RGS17: variants seen among roughly 807,000 people sequenced by gnomAD.
RGS17 encodes regulator of G protein signaling 17, also known as regulator of G-protein signaling 17.
A neutral mutation model predicts 25.5 loss-of-function variants in RGS17; 12 were observed. That is an observed-to-expected ratio of 0.47 (90% CI 0.30 to 0.76). The LOEUF (loss-of-function observed/expected upper bound fraction) is 0.76, where lower values mean the gene tolerates loss of function less well. Among genes scored for constraint, RGS17 ranks in the 30% least tolerant of loss-of-function variants. The pLI, the probability that RGS17 is intolerant of heterozygous loss-of-function variation, is 0.07. For synonymous variants in RGS17, 71 were observed against 76.9 expected (o/e 0.92, Z 0.40); for missense variants, 196 against 242.2 (o/e 0.81, Z 1.27).
intron 1 of RGS17, among the ~76,000 whole-genome samples, chr6:153,045,910 T>C (rs750128330): frequency 1.3e-5 from 2 of 152,290 alleles, no homozygotes; most frequent in South Asian, 4.1e-4. Flanking sequence ...TGCAGCACTA[T>C]TCACAATAGC....
chr6:153,104,172 G>A (rs1038318595), intron 1 of RGS17, among the ~76,000 whole-genome samples: 4 of 152,268 alleles, frequency 2.6e-5, no homozygotes, highest in South Asian at 2.1e-4. Context: ...TCTGTTTGAC[G>A]ATTATGTTCA....
intron 1 of RGS17, among the ~76,000 whole-genome samples, chr6:153,066,112 G>T (rs75957332): frequency 6.6e-6 from 1 of 152,014 alleles, no homozygotes; most frequent in South Asian, 2.1e-4. Flanking sequence ...AGCTGATGCC[G>T]CAAACATTCA....
chr6:153,011,439 G>C lies in RGS17; in HGVS notation c.*135C>G, dbSNP rs375246159. On this transcript the variant is annotated 3_prime_UTR_variant, in exon 5 of 5. Coordinates refer to ENST00000206262, the MANE Select transcript of RGS17 (RefSeq NM_012419.5). ...AAACCTTGATAAAAATGGAGACAAA[G>C]ACCATAACGGTTGTGTTTTCACAGT... 4.8e-6 allele frequency: 3 copies of C among 627,452 alleles called. No homozygotes were observed. The highest frequency in any genetic ancestry group is 1.9e-5 in the African/African-American group (1 of 53,728). The allele number at this position is 627,452 out of a possible 1,614,324, so 38.9% of individuals were successfully genotyped here. A position where few individuals can be genotyped will look rare whatever the true frequency, so the allele number is the denominator to read the frequency against.
rs1779052545 is a variant in RGS17 at position 153,004,537 on chromosome 6, A to G, written c.*7037T>C. On this transcript the variant is annotated 3_prime_UTR_variant, in exon 5 of 5. Transcript: ENST00000206262. ...GCATATGCATTTTACAATAACATCCATAGGTTTCCACAATCTAGTAAAATG... is the reference window on the plus strand; with the variant it reads ...GCATATGCATTTTACAATAACATCCGTAGGTTTCCACAATCTAGTAAAATG... The G allele has an allele frequency of 6.6e-6, 1 of 152,188 alleles. No homozygotes were observed. The highest frequency in any genetic ancestry group is 2.4e-5 in the African/African-American group (1 of 41,462). The allele number at this position is 152,188 out of a possible 1,614,324, so 9.4% of individuals were successfully genotyped here.
At chr6:153,039,198 T>C (rs997464036) in intron 2 of RGS17, among the ~76,000 whole-genome samples, 4 of 152,124 alleles carry the variant, frequency 2.6e-5, no homozygotes, top group Non-Finnish European at 5.9e-5. Context: ...GACTAGACAT[T>C]CAGAGGCTTG....
chr6:153,036,502 G>A (rs542637846), intron 2 of RGS17, among the ~76,000 whole-genome samples: 1 of 152,250 alleles, frequency 6.6e-6, no homozygotes, highest in East Asian at 1.9e-4. Context: ...ACTCACCAGG[G>A]CGAATCATTC....
At chr6:153,076,038 T>C (rs1421381427) in intron 1 of RGS17, among the ~76,000 whole-genome samples, 2 of 152,200 alleles carry the variant, frequency 1.3e-5, no homozygotes, top group African/African-American at 4.8e-5. Flanking sequence ...TTGAGCTATG[T>C]ATTTAATGCT....
At chr6:153,044,517 A>C (rs889878724) in intron 1 of RGS17, among the ~76,000 whole-genome samples, 9 of 152,200 alleles carry the variant, frequency 5.9e-5, no homozygotes, top group Non-Finnish European at 8.8e-5. Flanking sequence ...GATCAAGTTT[A>C]TTCTTGGCGC....
Position 153,104,709 on chromosome 6 carries a change from A to AAGG in RGS17, c.-26+26412_-26+26414dup, listed in dbSNP as rs1370371604. Among the ~76,000 whole-genome samples, 16 of 152,192 alleles carry AAGG rather than the reference A, an allele frequency of 1.1e-4. 1 individual carries two copies. The highest frequency in any genetic ancestry group is 9.2e-4 in the Admixed American group (14 of 15,274). On this transcript the variant is annotated intron_variant, in intron 1 of 4. Coordinates refer to ENST00000206262, the MANE Select transcript of RGS17 (RefSeq NM_012419.5). ...AGAGTTATAGAGAGAAACAGGTTGG[A>AAGG]AGGAGGAGGATGGGGGAATTTATAT... is the stretch of plus-strand genomic sequence containing the variant.
intron 4 of RGS17, among the ~76,000 whole-genome samples, chr6:153,016,023 G>C (rs1779180830): frequency 1.3e-5 from 2 of 152,106 alleles, no homozygotes; most frequent in Admixed American, 6.5e-5. Flanking sequence ...TTGCTTTATT[G>C]TGGTTGTCTG....
chr6:153,053,990 TAATA>T (rs1776506060), intron 1 of RGS17, among the ~76,000 whole-genome samples: 3 of 56,482 alleles, frequency 5.3e-5, no homozygotes, highest in African/African-American at 3.8e-4. Flanking sequence ...TATATGTATA[TAATA>T]TATATACATA....
At chr6:153,082,621 T>G (rs1448354685) in intron 1 of RGS17, among the ~76,000 whole-genome samples, 6 of 152,226 alleles carry the variant, frequency 3.9e-5, no homozygotes, top group Non-Finnish European at 8.8e-5. Context: ...ATAACTGCTA[T>G]GCTATTTATA....
chr6:153,039,125 G>C (rs570456978), intron 2 of RGS17, among the ~76,000 whole-genome samples: 1 of 152,252 alleles, frequency 6.6e-6, no homozygotes. Flanking sequence ...TTTGGAAATG[G>C]CTCATATCAA....
At chr6:153,096,298 C>T (rs1048271990) in intron 1 of RGS17, among the ~76,000 whole-genome samples, 8 of 152,278 alleles carry the variant, frequency 5.3e-5, no homozygotes, top group Admixed American at 3.9e-4. Flanking sequence ...CTAGCTCTGT[C>T]GTTAACTTGC....
chr6:153,080,779 T>C (rs928858501), intron 1 of RGS17, among the ~76,000 whole-genome samples: 1 of 152,040 alleles, frequency 6.6e-6, no homozygotes, highest in African/African-American at 2.4e-5. Flanking sequence ...AGCACTACTT[T>C]AGCTGCATTA....
intron 4 of RGS17, 115 bp from the exon 5 acceptor site, chr6:153,011,877 A>T: frequency 1.4e-6 from 1 of 708,914 alleles, no homozygotes; most frequent in Middle Eastern, 4.1e-4. Flanking sequence ...TCCAACTACC[A>T]AAAGTCTTGG....
intron 2 of RGS17, among the ~76,000 whole-genome samples, chr6:153,035,409 G>A (rs1584127478): frequency 6.6e-6 from 1 of 152,070 alleles, no homozygotes; most frequent in African/African-American, 2.4e-5. Flanking sequence ...AACAGAACAA[G>A]TAATTCTTGA....
At chr6:153,059,746 C>T (rs971822839) in intron 1 of RGS17, among the ~76,000 whole-genome samples, 1 of 152,244 alleles carries the variant, frequency 6.6e-6, no homozygotes, top group Non-Finnish European at 1.5e-5. Context: ...CTTCTGTTTC[C>T]ATATTTACAA....
At position 153,054,035 on chromosome 6, in the gene RGS17, ATATATATG is replaced by A. The variant is rs1446481010; in HGVS notation, c.-25-10000_-25-9993del. Among the ~76,000 whole-genome samples the A allele has an allele frequency of 3.9e-4, 24 of 61,844 alleles. 3 individuals are homozygous for A. In the South Asian group the frequency reaches 0.01, roughly 27 times the overall value. 40.6% of individuals were successfully genotyped at this position (61,844 alleles called of 152,430 possible). Reference sequence around the variant, plus strand: ...GTATATATGTATATAATATATATACATATATATGTATATATGTATATAATATATATACA... The same window carrying A: ...GTATATATGTATATAATATATATACATATATATGTATATAATATATATACA... On this transcript the variant is annotated intron_variant, in intron 1 of 4. Coordinates refer to ENST00000206262, the MANE Select transcript of RGS17 (RefSeq NM_012419.5).
Sources: gnomAD v4.1 joint callset for allele counts (sites outside exome capture counted in the v4.1 genomes callset) on GRCh38, gnomAD v4.1.1 for gene constraint, MANE v1.5 for transcripts, NCBI Gene and HGNC (gene_info 2026-07-23, HGNC 2026-07-21) for gene names.